Variants in PRICKLE1 observed in about 807,000 individuals in gnomAD.
The protein encoded by PRICKLE1 is prickle planar cell polarity protein 1, also known as prickle-like protein 1.
In PRICKLE1, 14 loss-of-function variants were observed where a neutral mutation model predicts 70.2. The ratio of observed to expected loss-of-function variants is 0.20; its 90% CI spans 0.13 to 0.31. The LOEUF is 0.31. Ranked by LOEUF, PRICKLE1 falls within the 10% of genes least tolerant of loss-of-function variation. The pLI is 1.00. For missense variants in PRICKLE1, 821 were observed against 1,026.2 expected (o/e 0.80, Z 2.73); for synonymous variants, 357 against 379.9 (o/e 0.94, Z 0.70).
At chr12:42,527,279 C>T (rs902482856) in intron 1 of PRICKLE1, among the ~76,000 whole-genome samples, 4 of 151,638 alleles carry the variant, frequency 2.6e-5, no homozygotes, top group South Asian at 2.1e-4. Context: ...ACTACAGGTG[C>T]GCTCCACCAT....
rs1217321316 is a variant in PRICKLE1 at position 42,457,548 on chromosome 12, T to C, written c.*2261A>G. 2.0e-5 allele frequency: 3 copies of C among 152,114 alleles called. No homozygotes were observed. The highest frequency in any genetic ancestry group is 2.9e-5 in the Non-Finnish European group (2 of 68,038). 9.4% of individuals were successfully genotyped at this position (152,114 alleles called of 1,614,324 possible). On this transcript the variant is annotated 3_prime_UTR_variant, in exon 8 of 8. Coordinates refer to ENST00000345127, the MANE Select transcript of PRICKLE1 (RefSeq NM_153026.3). ...CAGGAGAATTTCTTTTGGAGGAAAATTGGCAATATCCATCAGTCTTAAATA... is the reference window on the plus strand; with the variant it reads ...CAGGAGAATTTCTTTTGGAGGAAAACTGGCAATATCCATCAGTCTTAAATA...
intron 1 of PRICKLE1, among the ~76,000 whole-genome samples, chr12:42,500,544 C>T (rs1939288149): frequency 6.6e-6 from 1 of 152,132 alleles, no homozygotes; most frequent in East Asian, 1.9e-4. Flanking sequence ...ACGCATTCTA[C>T]TGAACGTATC....
chr12:42,531,689 G>A (rs139515497), intron 1 of PRICKLE1, among the ~76,000 whole-genome samples: 43 of 152,122 alleles, frequency 2.8e-4, no homozygotes, highest in African/African-American at 8.7e-4. Flanking sequence ...CAACTTAATG[G>A]TAGCTACCAT....
intron 1 of PRICKLE1, among the ~76,000 whole-genome samples, chr12:42,556,435 A>T (rs1485694888): frequency 6.6e-6 from 1 of 152,160 alleles, no homozygotes; most frequent in African/African-American, 2.4e-5. Context: ...TTAATCATAG[A>T]ATCCCACCCT....
intron 2 of PRICKLE1, among the ~76,000 whole-genome samples, chr12:42,470,732 C>G (rs1294551934): frequency 6.6e-6 from 1 of 152,010 alleles, no homozygotes; most frequent in African/African-American, 2.4e-5. Flanking sequence ...ACGGTGAAAC[C>G]CTGTCTCTAC....
intron 1 of PRICKLE1, among the ~76,000 whole-genome samples, chr12:42,584,875 C>T (rs1003385795): frequency 1.3e-5 from 2 of 152,124 alleles, no homozygotes; most frequent in African/African-American, 4.8e-5. Flanking sequence ...GCATTATTGA[C>T]AGATCTTTCT....
chr12:42,526,534 C>A (rs939768689), intron 1 of PRICKLE1, among the ~76,000 whole-genome samples: 1 of 151,910 alleles, frequency 6.6e-6, no homozygotes, highest in African/African-American at 2.4e-5. Context: ...AGCTTTTCTG[C>A]CTTGAGAGTG....
In PRICKLE1 at chr12:42,563,402, A is replaced by T. The variant is rs549487566; in HGVS notation, c.-49+26063T>A. ...AATGTTGCACAATATTGGAGTTTTT[A>T]AAAAAAAAATCTTTTGGCCGGGCGT... On this transcript the variant is annotated intron_variant, in intron 1 of 7. Transcript: ENST00000345127. Among the ~76,000 whole-genome samples the T allele has an allele frequency of 3.8e-3, 569 of 149,832 alleles. 6 individuals are homozygous for T. Among genetic ancestry groups the T allele is most frequent in the African/African-American group, 0.012 (499 of 40,882 alleles).
rs576529606 is a variant in PRICKLE1 at position 42,557,301 on chromosome 12, A to G, written c.-49+32164T>C. The stretch of plus-strand genomic sequence containing the variant: ...GGACTGGCTTGGGGACAGTGCCTGG[A>G]CGGAGAAGCAACTCACTTAAGTGTC... On this transcript the variant is annotated intron_variant, in intron 1 of 7. Coordinates refer to ENST00000345127, the MANE Select transcript of PRICKLE1 (RefSeq NM_153026.3). 2.0e-5 allele frequency among the ~76,000 whole-genome samples: 3 copies of G among 152,346 alleles called. No individual in the cohort carries two copies. In the East Asian group the frequency reaches 5.8e-4, roughly 29 times the overall value.
chr12:42,506,241 G>GT (rs774029085), intron 1 of PRICKLE1, among the ~76,000 whole-genome samples: 10 of 122,178 alleles, frequency 8.2e-5, no homozygotes, highest in South Asian at 2.9e-4. Context: ...AGTAAAAAAT[G>GT]TTCTTTTTTC....
Position 42,468,788 on chromosome 12 carries a change from G to A in PRICKLE1, c.426C>T (p.Ala142=), listed in dbSNP as rs777559380. ...AGCACACACCAGGGCCCGCACGGGA[G>A]GCGAACACTGCAACTTCACCTCCAT... The part of the protein sequence containing the change: ...KINGGEVAVF[A]SRAGPGVCWH... Residue 142 remains alanine (A), a synonymous_variant, in exon 5 of 8, where the codon GCC becomes GCT. Coordinates refer to ENST00000345127, the MANE Select transcript of PRICKLE1 (RefSeq NM_153026.3). 2 of 1,614,036 alleles carry A rather than the reference G, an allele frequency of 1.2e-6. No individual in the cohort carries two copies. The highest frequency in any genetic ancestry group is 1.7e-5 in the Admixed American group (1 of 59,976).
At chr12:42,561,899 T>C (rs1940520260) in intron 1 of PRICKLE1, among the ~76,000 whole-genome samples, 1 of 141,386 alleles carries the variant, frequency 7.1e-6, no homozygotes, top group Non-Finnish European at 1.5e-5. Flanking sequence ...ATTTTCTTTT[T>C]CTTTTCTTTT....
At position 42,460,029 on chromosome 12, in the gene PRICKLE1, T is replaced by C. The variant is rs778196919; in HGVS notation, c.2276A>G (p.Asp759Gly). The C allele has an allele frequency of 1.9e-6, 3 of 1,613,958 alleles. No homozygotes were observed. Among genetic ancestry groups the C allele is most frequent in the Admixed American group, 3.3e-5 (2 of 59,982 alleles). The change falls in exon 8 of 8, where the codon GAT (aspartate) becomes GGT (glycine). Residue 759 changes from aspartate to glycine, a missense_variant. Asp to Gly is a moderately conservative substitution (Grantham distance 94, BLOSUM62 -1). Coordinates refer to ENST00000345127, the MANE Select transcript of PRICKLE1 (RefSeq NM_153026.3). ...NRFLGLYGED[D>G]DSWCSSSSSS... ...GGAGGAGGAAGAACACCAGGAATCA[T>C]CATCCTCGCCGTAGAGTCCCAGAAA...
At position 42,465,080 on chromosome 12, in the gene PRICKLE1, G is replaced by C. The variant is rs139421676; in HGVS notation, c.954C>G (p.Ser318=). The part of the protein sequence containing the change: ...LGEDVHASDS[S]DSAFQSARSR... ...ATCGAGCTGACTGAAATGCAGAGTC[G>C]GAAGAATCAGAGGCATGGACGTCTT... Residue 318 remains serine, a synonymous_variant, in exon 7 of 8, where the codon TCC becomes TCG. Transcript: ENST00000345127. 4.8e-4 allele frequency: 759 copies of C among 1,567,294 alleles called. 4 individuals are homozygous for C. The African/African-American group carries it at 9.3e-3, about 19-fold the overall frequency.
chr12:42,466,751 A>G (rs1480643748), intron 5 of PRICKLE1, among the ~76,000 whole-genome samples: 2 of 152,244 alleles, frequency 1.3e-5, no homozygotes, highest in African/African-American at 4.8e-5. Flanking sequence ...TTGGTGTTTT[A>G]GTAGAAAGAA....
chr12:42,568,174 T>TTTTAC (rs1940652863), intron 1 of PRICKLE1, among the ~76,000 whole-genome samples: 1 of 152,238 alleles, frequency 6.6e-6, no homozygotes, highest in African/African-American at 2.4e-5. Flanking sequence ...CATTATTTTA[T>TTTTAC]TTTACATATG....
intron 1 of PRICKLE1, among the ~76,000 whole-genome samples, chr12:42,512,251 A>C (rs1939526628): frequency 1.3e-5 from 2 of 152,082 alleles, no homozygotes; most frequent in African/African-American, 4.8e-5. Context: ...GTTCACTGCA[A>C]CCTCTGCCTC....
chr12:42,482,408 T>C (rs377513933), intron 1 of PRICKLE1, among the ~76,000 whole-genome samples: 1 of 152,364 alleles, frequency 6.6e-6, no homozygotes, highest in Admixed American at 6.5e-5. Flanking sequence ...AGCCCATTAT[T>C]TTCCATAATG....
At chr12:42,545,746 A>T (rs1940195790) in intron 1 of PRICKLE1, among the ~76,000 whole-genome samples, 2 of 152,038 alleles carry the variant, frequency 1.3e-5, no homozygotes, top group African/African-American at 4.8e-5. Flanking sequence ...GCTACTGAGG[A>T]GGCTGAGGCA....
Sources: allele counts gnomAD v4.1 joint callset (sites outside exome capture counted in the v4.1 genomes callset), GRCh38; gene constraint gnomAD v4.1.1; transcripts MANE v1.5; gene names NCBI Gene and HGNC (gene_info 2026-07-23, HGNC 2026-07-21).